Variants in AGBL1 observed in about 807,000 individuals in gnomAD.
AGBL1 encodes the protein AGBL carboxypeptidase 1.
In AGBL1, 130 loss-of-function variants were observed where a neutral mutation model predicts 118.9. The observed-to-expected ratio is 1.09, with a 90% CI of 0.95 to 1.26. The LOEUF (loss-of-function observed/expected upper bound fraction) is 1.26, where lower values mean the gene tolerates loss of function less well. Among genes scored for constraint, AGBL1 ranks in the 50% most tolerant of loss-of-function variants. The pLI is 0.00. For missense variants in AGBL1, 1,584 were observed against 1,298.1 expected (o/e 1.22, Z -3.38); for synonymous variants, 555 against 478.9 (o/e 1.16, Z -2.08).
At chr15:86,196,858 TGTGCACATGTGCGCGCGCGC>T (rs1377495107) in intron 5 of AGBL1, among the ~76,000 whole-genome samples, 1 of 116,244 alleles carries the variant, frequency 8.6e-6, no homozygotes, top group African/African-American at 3.9e-5. Context: ...CATATGCGAA[TGTGCACATGTGCGCGCGCGC>T]GCACACACAC....
At chr15:86,532,983 C>T (rs1405427727) in intron 19 of AGBL1, among the ~76,000 whole-genome samples, 1 of 103,142 alleles carries the variant, frequency 9.7e-6, no homozygotes, top group African/African-American at 4.8e-5. Flanking sequence ...AAGATTTAAA[C>T]GTTAGACCTA....
chr15:86,892,389 G>A (rs375426656), intron 22 of AGBL1, among the ~76,000 whole-genome samples: 19 of 152,284 alleles, frequency 1.2e-4, no homozygotes, highest in African/African-American at 4.6e-4. Flanking sequence ...GATTGGGGCT[G>A]AATGAATACC....
At chr15:86,454,082 GC>G (rs948019551) in intron 18 of AGBL1, among the ~76,000 whole-genome samples, 7 of 151,952 alleles carry the variant, frequency 4.6e-5, no homozygotes, top group Non-Finnish European at 7.4e-5. Context: ...GGAAGACTTT[GC>G]CCTCACCCAT....
intron 1 of AGBL1, among the ~76,000 whole-genome samples, chr15:86,081,751 T>G (rs1320392324): frequency 2.0e-5 from 3 of 152,202 alleles, no homozygotes; most frequent in African/African-American, 7.2e-5. Flanking sequence ...TGAAAATATC[T>G]CATGGACAGA....
chr15:86,307,630 G>T (rs1484561743), intron 17 of AGBL1, among the ~76,000 whole-genome samples: 2 of 151,994 alleles, frequency 1.3e-5, no homozygotes, highest in African/African-American at 4.8e-5. Context: ...AGCAGCATAG[G>T]GTGGCGTGTG....
intron 6 of AGBL1, among the ~76,000 whole-genome samples, chr15:86,240,157 G>C (rs1329847047): frequency 1.3e-5 from 2 of 152,114 alleles, no homozygotes; most frequent in African/African-American, 4.8e-5. Flanking sequence ...ATTTGTAAAA[G>C]AGGGAAAGTA....
chr15:86,376,086 G>T (rs1023832618), intron 17 of AGBL1, among the ~76,000 whole-genome samples: 2 of 152,214 alleles, frequency 1.3e-5, no homozygotes, highest in African/African-American at 4.8e-5. Flanking sequence ...TGCTAGAGAG[G>T]TGCCAAGGTT....
In AGBL1 at chr15:86,087,332, CTTT is replaced by C. The variant is rs565797859; in HGVS notation, c.51+7323_51+7325del. On this transcript the variant is annotated intron_variant, in intron 1 of 22. Transcript: ENST00000614907. ...CACATGCATTGTCTCATTTAATGGG[CTTT>C]TTTTTTTTTTTTTGACATTGTCTTG... 2.5e-3 allele frequency among the ~76,000 whole-genome samples: 345 copies of C among 135,488 alleles called. 15 individuals are homozygous for C. The South Asian group carries it at 0.075, about 30-fold the overall frequency. 88.9% of individuals were successfully genotyped at this position (135,488 alleles called of 152,430 possible).
chr15:87,025,858 C>G (rs1004519399), intron 24 of AGBL1, among the ~76,000 whole-genome samples: 15 of 151,742 alleles, frequency 9.9e-5, no homozygotes, highest in African/African-American at 3.6e-4. Context: ...AACCCAAATA[C>G]TTACAACTAA....
intron 22 of AGBL1, among the ~76,000 whole-genome samples, chr15:86,707,684 T>G (rs2086477412): frequency 6.6e-6 from 1 of 152,156 alleles, no homozygotes; most frequent in Admixed American, 6.6e-5. Flanking sequence ...TTTCTGGACT[T>G]TCTTTATAAA....
chr15:86,404,453 T>C (rs1330665388), intron 18 of AGBL1, among the ~76,000 whole-genome samples: 1 of 152,210 alleles, frequency 6.6e-6, no homozygotes, highest in East Asian at 1.9e-4. Flanking sequence ...CTGTCTCCTC[T>C]GGGCTGGGCC....
chr15:86,554,612 C>T, intron 21 of AGBL1, 75 bp downstream of exon 21: 2 of 1,321,846 alleles, frequency 1.5e-6, no homozygotes, highest in Non-Finnish European at 1.9e-6. Context: ...CTCGTACCTG[C>T]TTTCTCACCT....
intron 21 of AGBL1, among the ~76,000 whole-genome samples, chr15:86,599,322 G>A (rs1344189294): frequency 1.4e-5 from 2 of 146,312 alleles, no homozygotes; most frequent in African/African-American, 4.9e-5. Flanking sequence ...TCATGTAACT[G>A]AAGATGTTTC....
intron 17 of AGBL1, among the ~76,000 whole-genome samples, chr15:86,371,869 G>A (rs1336793039): frequency 6.6e-6 from 1 of 152,202 alleles, no homozygotes; most frequent in Non-Finnish European, 1.5e-5. Context: ...GTAGTAGAGA[G>A]TGGCTGCTTG....
chr15:86,987,279 T>G (rs1404513203), intron 23 of AGBL1, among the ~76,000 whole-genome samples: 1 of 152,196 alleles, frequency 6.6e-6, no homozygotes, highest in Non-Finnish European at 1.5e-5. Flanking sequence ...TTGTCAGTGG[T>G]GTTTTTGCAT....
At chr15:86,430,418 C>G (rs2081921126) in intron 18 of AGBL1, among the ~76,000 whole-genome samples, 1 of 151,434 alleles carries the variant, frequency 6.6e-6, no homozygotes, top group African/African-American at 2.4e-5. Flanking sequence ...TGGCGTGAAC[C>G]CAGGAGGTGG....
rs150134635 is a variant in AGBL1, at chr15:86,795,456, G to A, written c.3159-111631G>A. Reference sequence around the variant, plus strand: ...TACCTGGGATGGGGAGCATGACTCTGCAATTGCTTGTTTGAGACTTAGATC... The same window carrying A: ...TACCTGGGATGGGGAGCATGACTCTACAATTGCTTGTTTGAGACTTAGATC... On this transcript the variant is annotated intron_variant, in intron 22 of 22. Transcript: ENST00000614907. Among the ~76,000 whole-genome samples the A allele has an allele frequency of 4.8e-3, 728 of 152,078 alleles. 2 individuals carry two copies. Among genetic ancestry groups the A allele is most frequent in the Non-Finnish European group, 8.1e-3 (549 of 68,000 alleles).
Position 86,434,020 on chromosome 15 carries a change from A to T in AGBL1, c.2555+36474A>T, listed in dbSNP as rs4316723. ...AATTGATCCAGAAATTCTAGTTGAT[A>T]CAGCCAGTGGAGGAAATTACAGGCA... On this transcript the variant is annotated intron_variant, in intron 18 of 22. Coordinates refer to ENST00000614907, the MANE Select transcript of AGBL1 (RefSeq NM_001386094.1). 1.5e-3 allele frequency among the ~76,000 whole-genome samples: 221 copies of T among 152,194 alleles called. 6 individuals carry two copies. In the South Asian group the frequency reaches 0.044, roughly 30 times the overall value.
At chr15:86,834,529 G>T (rs1216153063) in intron 22 of AGBL1, among the ~76,000 whole-genome samples, 1 of 152,204 alleles carries the variant, frequency 6.6e-6, no homozygotes, top group African/African-American at 2.4e-5. Flanking sequence ...CATAAAAATA[G>T]AAGTACCTCT....
Sources: allele counts gnomAD v4.1 joint callset (sites outside exome capture counted in the v4.1 genomes callset), GRCh38; gene constraint gnomAD v4.1.1; transcripts MANE v1.5; gene names NCBI Gene and HGNC (gene_info 2026-07-23, HGNC 2026-07-21).